The following EIF2AK4 variants were observed in gnomAD, a reference collection of about 807,000 sequenced individuals.
EIF2AK4 encodes the protein eIF-2-alpha kinase GCN2.
EIF2AK4 carries 139 observed loss-of-function variants against 211.1 expected under a neutral mutation model. The observed-to-expected ratio is 0.66, with a 90% CI of 0.57 to 0.76. The LOEUF (loss-of-function observed/expected upper bound fraction) is 0.76. Ranked by LOEUF, EIF2AK4 falls within the 30% of genes least tolerant of loss-of-function variation. The pLI, the probability that EIF2AK4 is intolerant of heterozygous loss-of-function variation, is 0.00. For synonymous variants in EIF2AK4, 710 were observed against 751.3 expected (o/e 0.94, Z 0.90); for missense variants, 1,664 against 2,043.8 (o/e 0.81, Z 3.58).
At chr15:39,955,805 G>A (rs749863169) in intron 6 of EIF2AK4, 37 bp downstream of exon 6, 2 of 1,551,098 alleles carry the variant, frequency 1.3e-6, no homozygotes, top group East Asian at 4.6e-5. Context: ...GAGAATGACA[G>A]ATGTAGAAGG....
At chr15:39,948,456 C>T (rs925407416) in intron 3 of EIF2AK4, among the ~76,000 whole-genome samples, 2 of 152,096 alleles carry the variant, frequency 1.3e-5, no homozygotes, top group Non-Finnish European at 2.9e-5. Flanking sequence ...ATGTCTCCTG[C>T]GGGTAAGGGA....
At chr15:40,019,023 A>G (rs921913641) in intron 29 of EIF2AK4, 70 bp from the exon 30 acceptor site, 25 of 1,167,010 alleles carry the variant, frequency 2.1e-5, no homozygotes, top group Non-Finnish European at 3.1e-5. Context: ...TCACTCTTTA[A>G]TCATTGTTTT....
intron 37 of EIF2AK4, among the ~76,000 whole-genome samples, chr15:40,033,302 A>C (rs1271789021): frequency 1.3e-5 from 2 of 152,158 alleles, no homozygotes; most frequent in Non-Finnish European, 2.9e-5. Context: ...TATCTCTCAA[A>C]CCTCCATTCC....
chr15:40,004,987 GA>G (rs1180612358), intron 23 of EIF2AK4, among the ~76,000 whole-genome samples: 1 of 151,440 alleles, frequency 6.6e-6, no homozygotes, highest in Non-Finnish European at 1.5e-5. Context: ...AAAATACTCA[GA>G]AAAAAAAATT....
chr15:39,944,569 C>G (rs1368156172), intron 3 of EIF2AK4, among the ~76,000 whole-genome samples: 3 of 151,656 alleles, frequency 2.0e-5, no homozygotes, highest in South Asian at 2.1e-4. Flanking sequence ...GTAGCTGGGA[C>G]TACAGGCACC....
At position 40,030,378 on chromosome 15, in the gene EIF2AK4, A is replaced by T. The variant is rs1163015582; in HGVS notation, c.4581A>T (p.Gly1527=). 2.5e-6 allele frequency: 4 copies of T among 1,614,112 alleles called. No individual in the cohort carries two copies. The highest frequency in any genetic ancestry group is 3.4e-6 in the Non-Finnish European group (4 of 1,180,026). The change falls in exon 35 of 39, where the codon GGA becomes GGT. Residue 1527 remains glycine, a synonymous_variant. Coordinates refer to ENST00000263791, the MANE Select transcript of EIF2AK4 (RefSeq NM_001013703.4). ...TCTCAGGTTTGTTTGAAATCCATGG[A>T]GCAACAGTGGTTCCCATTGTGAGTG... ...SNASGLFEIH[G]ATVVPIVSVL...
chr15:40,027,205 TTTACA>T (rs1406221473), intron 33 of EIF2AK4, among the ~76,000 whole-genome samples: 1 of 152,228 alleles, frequency 6.6e-6, no homozygotes, highest in East Asian at 1.9e-4. Flanking sequence ...AGTACACTGT[TTTACA>T]TTTTTGTAAT....
intron 9 of EIF2AK4, among the ~76,000 whole-genome samples, chr15:39,970,371 A>T (rs1237128640): frequency 6.6e-6 from 1 of 152,214 alleles, no homozygotes; most frequent in Admixed American, 6.5e-5. Flanking sequence ...TTTATGTCAC[A>T]GTTGAGTTAC....
intron 18 of EIF2AK4, among the ~76,000 whole-genome samples, chr15:39,996,683 C>A (rs1399327988): frequency 1.3e-5 from 2 of 152,062 alleles, no homozygotes; most frequent in Non-Finnish European, 2.9e-5. Flanking sequence ...TGCACTTCAG[C>A]CTGGGTGACA....
At chr15:39,991,992 G>A in intron 16 of EIF2AK4, 183 bp from the exon 17 acceptor site, 1 of 509,120 alleles carries the variant, frequency 2.0e-6, no homozygotes, top group Non-Finnish European at 3.4e-6. Flanking sequence ...ATTTCATTGG[G>A]TTTTCTGAGA....
intron 32 of EIF2AK4, among the ~76,000 whole-genome samples, chr15:40,024,431 T>G (rs1327383803): frequency 1.5e-5 from 2 of 136,700 alleles, no homozygotes; most frequent in African/African-American, 2.8e-5. Context: ...TTTTTTGAGA[T>G]GGATTCTTGC....
At chr15:39,988,458 T>C (rs912126033) in intron 15 of EIF2AK4, among the ~76,000 whole-genome samples, 1 of 152,230 alleles carries the variant, frequency 6.6e-6, no homozygotes, top group Admixed American at 6.5e-5. Context: ...GAACATTTCG[T>C]GACACATAAA....
At chr15:39,938,380 T>G (rs981165954) in intron 1 of EIF2AK4, among the ~76,000 whole-genome samples, 2 of 152,248 alleles carry the variant, frequency 1.3e-5, no homozygotes, top group African/African-American at 4.8e-5. Flanking sequence ...AGGATTATTA[T>G]AAAGCCATAT....
chr15:39,951,120 G>A (rs2034304571), intron 4 of EIF2AK4, among the ~76,000 whole-genome samples: 1 of 152,164 alleles, frequency 6.6e-6, no homozygotes, highest in Non-Finnish European at 1.5e-5. Flanking sequence ...AGAAGTATCA[G>A]GAATAATAAG....
chr15:39,992,242 G>T lies in EIF2AK4; in HGVS notation c.2686+13G>T. 1 of 1,601,040 alleles carries T rather than the reference G, an allele frequency of 6.2e-7. No individual in the cohort carries two copies. Among genetic ancestry groups the T allele is most frequent in the East Asian group, 2.2e-5 (1 of 44,674 alleles). The stretch of plus-strand genomic sequence containing the variant: ...TCAGACCCTTCAGGTAAACCCAGAA[G>T]ACTATATATTTCATCCATGTGTTAA... On this transcript the variant is annotated intron_variant, in intron 17 of 38. Coordinates refer to ENST00000263791, the MANE Select transcript of EIF2AK4 (RefSeq NM_001013703.4).
intron 6 of EIF2AK4, among the ~76,000 whole-genome samples, chr15:39,960,369 G>A (rs1473276639): frequency 2.0e-5 from 3 of 152,040 alleles, no homozygotes; most frequent in Non-Finnish European, 4.4e-5. Context: ...AGGGGAGATA[G>A]AGAGGAGAAG....
intron 31 of EIF2AK4, chr15:40,022,181 C>CGTGTGTGT (rs142104639): frequency 0.17 from 23,763 of 137,488 alleles, 2,277 homozygotes; most frequent in Non-Finnish European, 0.19. Context: ...GCTTTTTCAG[C>CGTGTGTGT]GTGTGTGTGT....
intron 10 of EIF2AK4, among the ~76,000 whole-genome samples, chr15:39,973,305 C>T (rs959702317): frequency 2.6e-5 from 4 of 152,132 alleles, no homozygotes; most frequent in Admixed American, 6.5e-5. Flanking sequence ...TAAGGAACCT[C>T]GGTAGAGATT....
At chr15:39,935,056 T>A (rs1051577748) in intron 1 of EIF2AK4, among the ~76,000 whole-genome samples, 3 of 151,888 alleles carry the variant, frequency 2.0e-5, no homozygotes, top group Non-Finnish European at 4.4e-5. Context: ...AAAAAAAAAA[T>A]TCGCAAAAAA....
Sources: gnomAD v4.1 joint callset for allele counts (sites outside exome capture counted in the v4.1 genomes callset) on GRCh38, gnomAD v4.1.1 for gene constraint, MANE v1.5 for transcripts, NCBI Gene and HGNC (gene_info 2026-07-23, HGNC 2026-07-21) for gene names.